Variants in STK32A observed in about 807,000 individuals in gnomAD.
STK32A encodes serine/threonine kinase 32A, also known as serine/threonine-protein kinase 32A.
Under a neutral mutation model 53.2 loss-of-function variants are expected in STK32A, and 41 were observed. The observed-to-expected ratio is 0.77, with a 90% CI of 0.60 to 1.00. STK32A has a LOEUF of 1.00. Among genes scored for constraint, STK32A ranks in the 50% least tolerant of loss-of-function variants. STK32A has a pLI of 0.00. For synonymous variants in STK32A, 166 were observed against 162.8 expected (o/e 1.02, Z -0.15); for missense variants, 458 against 485.8 (o/e 0.94, Z 0.54).
intron 5 of STK32A, among the ~76,000 whole-genome samples, chr5:147,331,903 T>C (rs922261286): frequency 6.6e-5 from 10 of 152,200 alleles, no homozygotes; most frequent in African/African-American, 1.9e-4. Context: ...GGAGTCTCCC[T>C]GAGAAGTTTC....
At chr5:147,250,464 T>C (rs186211047) in intron 2 of STK32A, among the ~76,000 whole-genome samples, 16 of 152,296 alleles carry the variant, frequency 1.1e-4, no homozygotes, top group African/African-American at 3.4e-4. Context: ...AGATAGTTGA[T>C]CATCCAGTTC....
At chr5:147,388,334 A>G (rs1757724989), downstream of STK32A, among the ~76,000 whole-genome samples, 1 of 152,196 alleles carries the variant, frequency 6.6e-6, no homozygotes, top group Non-Finnish European at 1.5e-5. Flanking sequence ...TTAGGAGAGA[A>G]CAAAGGGCAC....
At chr5:147,345,790 T>C (rs1006222504) in intron 6 of STK32A, among the ~76,000 whole-genome samples, 1 of 152,146 alleles carries the variant, frequency 6.6e-6, no homozygotes, top group African/African-American at 2.4e-5. Context: ...CCCTATTACC[T>C]GGTGTCTTAT....
At chr5:147,270,892 A>G (rs1754998542) in intron 2 of STK32A, among the ~76,000 whole-genome samples, 1 of 152,224 alleles carries the variant, frequency 6.6e-6, no homozygotes, top group Non-Finnish European at 1.5e-5. Context: ...GTAAAATTAG[A>G]AAATTAACAT....
At chr5:147,262,107 A>G (rs896153522) in intron 2 of STK32A, among the ~76,000 whole-genome samples, 13 of 152,156 alleles carry the variant, frequency 8.5e-5, no homozygotes, top group Admixed American at 7.9e-4. Flanking sequence ...CAAATGGTGA[A>G]GAAATGGTCA....
intron 7 of STK32A, among the ~76,000 whole-genome samples, chr5:147,353,139 G>A (rs1298815727): frequency 3.5e-5 from 5 of 142,560 alleles, no homozygotes; most frequent in Non-Finnish European, 1.6e-5. Context: ...CCTCTGCCTC[G>A]ACTACCCTTC....
chr5:147,314,479 C>A (rs1346068167), intron 4 of STK32A, among the ~76,000 whole-genome samples: 45 of 105,190 alleles, frequency 4.3e-4, no homozygotes, highest in African/African-American at 1.6e-3. Flanking sequence ...GCCTGGGCAA[C>A]AAGAGCGAAA....
At chr5:147,283,678 A>T (rs539107791) in intron 4 of STK32A, among the ~76,000 whole-genome samples, 1 of 152,174 alleles carries the variant, frequency 6.6e-6, no homozygotes, top group Non-Finnish European at 1.5e-5. Flanking sequence ...TTATGCACAT[A>T]AACTAGAAAA....
At chr5:147,295,574 C>A (rs1018821059) in intron 4 of STK32A, among the ~76,000 whole-genome samples, 2 of 152,190 alleles carry the variant, frequency 1.3e-5, no homozygotes, top group Non-Finnish European at 2.9e-5. Flanking sequence ...GAGTTACTTT[C>A]TATTTTTCTG....
intron 4 of STK32A, among the ~76,000 whole-genome samples, chr5:147,297,094 A>G (rs1051161011): frequency 2.6e-5 from 4 of 152,208 alleles, no homozygotes; most frequent in Admixed American, 6.5e-5. Context: ...CACCTTAACC[A>G]AGGTTATGTC....
At chr5:147,262,531 C>T (rs754228321) in intron 2 of STK32A, among the ~76,000 whole-genome samples, 4 of 151,782 alleles carry the variant, frequency 2.6e-5, no homozygotes, top group African/African-American at 9.7e-5. Context: ...TCATTTAATA[C>T]CTACCACATT....
chr5:147,382,352 T>C (rs1757485970), intron 11 of STK32A, among the ~76,000 whole-genome samples: 1 of 152,192 alleles, frequency 6.6e-6, no homozygotes, highest in South Asian at 2.1e-4. Flanking sequence ...ATTTTCTCTA[T>C]ATCTTCCTTT....
intron 4 of STK32A, among the ~76,000 whole-genome samples, chr5:147,295,870 AAC>A (rs1381253672): frequency 1.3e-5 from 2 of 152,372 alleles, no homozygotes; most frequent in East Asian, 1.9e-4. Flanking sequence ...ACACTTCAAA[AAC>A]ACAGAGCGGA....
At chr5:147,249,681 G>C (rs1018735065) in intron 2 of STK32A, among the ~76,000 whole-genome samples, 2 of 151,976 alleles carry the variant, frequency 1.3e-5, no homozygotes, top group African/African-American at 4.8e-5. Context: ...GGGAGGCCGA[G>C]GGGGGTGGAT....
chr5:147,289,892 G>A (rs1365362362), intron 4 of STK32A, among the ~76,000 whole-genome samples: 3 of 151,962 alleles, frequency 2.0e-5, no homozygotes, highest in African/African-American at 4.8e-5. Flanking sequence ...ACTGAGCATC[G>A]AAAACAAGTT....
At chr5:147,326,444 A>C (rs986132506) in intron 5 of STK32A, among the ~76,000 whole-genome samples, 3 of 150,808 alleles carry the variant, frequency 2.0e-5, no homozygotes, top group Admixed American at 6.6e-5. Flanking sequence ...ACCTCTATGC[A>C]CCTCTCCCCC....
intron 6 of STK32A, chr5:147,343,374 A>G (rs1755534410): frequency 4.9e-6 from 2 of 412,264 alleles, no homozygotes; most frequent in Non-Finnish European, 9.1e-6. Flanking sequence ...ATTTTTTATA[A>G]TGATACAGAA....
At chr5:147,339,814 C>T (rs999796548) in intron 5 of STK32A, among the ~76,000 whole-genome samples, 1 of 152,214 alleles carries the variant, frequency 6.6e-6, no homozygotes, top group Non-Finnish European at 1.5e-5. Flanking sequence ...TTGGCCAATT[C>T]CTCTTATTTG....
intron 4 of STK32A, among the ~76,000 whole-genome samples, chr5:147,314,526 A>C (rs1226765127): frequency 5.9e-5 from 1 of 16,868 alleles, no homozygotes; most frequent in Non-Finnish European, 1.3e-4. Context: ...ACAAAAAAAA[A>C]CAAAAAAAAA....
Sources: gnomAD v4.1 joint callset for allele counts (sites outside exome capture counted in the v4.1 genomes callset) on GRCh38, gnomAD v4.1.1 for gene constraint, MANE v1.5 for transcripts, NCBI Gene and HGNC (gene_info 2026-07-23, HGNC 2026-07-21) for gene names.